The following INPP5A variants were observed in gnomAD, a reference collection of about 807,000 sequenced individuals.
The protein encoded by INPP5A is 43 kDa inositol polyphosphate 5-phophatase.
In INPP5A, 14 loss-of-function variants were observed where a neutral mutation model predicts 65.2. That is an observed-to-expected ratio of 0.21 (90% CI 0.14 to 0.34). The LOEUF (loss-of-function observed/expected upper bound fraction) is 0.34. Ranked by LOEUF, INPP5A falls within the 10% of genes least tolerant of loss-of-function variation. The pLI, the probability that INPP5A is intolerant of heterozygous loss-of-function variation, is 1.00. For synonymous variants in INPP5A, 207 were observed against 208.3 expected (o/e 0.99, Z 0.05); for missense variants, 431 against 545.6 (o/e 0.79, Z 2.09).
intron 9 of INPP5A, among the ~76,000 whole-genome samples, chr10:132,742,416 T>C (rs992272907): frequency 1.3e-5 from 2 of 152,118 alleles, no homozygotes. Flanking sequence ...GCAGAGAGGG[T>C]GCCCACCGCC....
At chr10:132,703,027 G>A (rs1419602745) in intron 6 of INPP5A, among the ~76,000 whole-genome samples, 1 of 152,132 alleles carries the variant, frequency 6.6e-6, no homozygotes, top group Non-Finnish European at 1.5e-5. Context: ...CCCACACACC[G>A]GGGTTGGGAC....
At chr10:132,736,982 C>T (rs1846187976) in intron 9 of INPP5A, among the ~76,000 whole-genome samples, 1 of 152,250 alleles carries the variant, frequency 6.6e-6, no homozygotes, top group Non-Finnish European at 1.5e-5. Flanking sequence ...GCAGGAGAGG[C>T]CAGGTCCCTG....
At position 132,596,990 on chromosome 10, in the gene INPP5A, CGT is replaced by C. The variant is rs1188383675; in HGVS notation, c.76-10920_76-10919del. Among the ~76,000 whole-genome samples the C allele has an allele frequency of 6.6e-5, 9 of 135,454 alleles. No individual in the cohort carries two copies. The South Asian group carries it at 6.8e-4, about 10-fold the overall frequency. 88.9% of individuals were successfully genotyped at this position (135,454 alleles called of 152,430 possible). A position where few individuals can be genotyped will look rare whatever the true frequency, so the allele number is the denominator to read the frequency against. ...GTGTGTGCATGCGTGTGTGCATGCA[CGT>C]GTGTTTGTGTGCACGCTCCTGTACG... On this transcript the variant is annotated intron_variant, in intron 1 of 15. Transcript: ENST00000368594.
rs2072931838 is a variant in INPP5A at position 132,674,138 on chromosome 10, A to G, written c.307-16254A>G. Among the ~76,000 whole-genome samples, 1 of 152,250 alleles carries G rather than the reference A, an allele frequency of 6.6e-6. No homozygotes were observed. The highest frequency in any genetic ancestry group is 1.5e-5 in the Non-Finnish European group (1 of 68,042). On this transcript the variant is annotated intron_variant, in intron 4 of 15. Transcript: ENST00000368594. The surrounding 1 kb of genome is among the most constrained non-coding windows in gnomAD (Gnocchi z 4.4). Reference sequence around the variant, plus strand: ...AGGTCACCCATTGGTGAGCACTCACATGCGATACAAATATCTTCACAAATT... The same window carrying G: ...AGGTCACCCATTGGTGAGCACTCACGTGCGATACAAATATCTTCACAAATT...
chr10:132,765,759 T>G lies in INPP5A; in HGVS notation c.904-14T>G. The G allele has an allele frequency of 6.4e-7, 1 of 1,562,190 alleles. No homozygotes were observed. The highest frequency in any genetic ancestry group is 1.1e-5 in the South Asian group (1 of 90,012). On this transcript the variant is annotated splice_polypyrimidine_tract_variant and intron_variant, in intron 11 of 15. Transcript: ENST00000368594. ...ACCAATGTGACTTTATTTTCTGCTC[T>G]TTCTTTTCTTTAGCTCTTGGAGTTT...
intron 9 of INPP5A, among the ~76,000 whole-genome samples, chr10:132,738,312 C>T (rs773125473): frequency 1.3e-5 from 2 of 152,346 alleles, no homozygotes; most frequent in South Asian, 2.1e-4. Context: ...CTTCACACAT[C>T]GCACCCGGCT....
chr10:132,593,058 G>C (rs1317133727), intron 1 of INPP5A, among the ~76,000 whole-genome samples: 2 of 152,192 alleles, frequency 1.3e-5, no homozygotes, highest in Non-Finnish European at 2.9e-5. Context: ...AGAGCCTATC[G>C]GGGAGAGACT....
chr10:132,574,602 CT>C lies in INPP5A; in HGVS notation c.76-33305del, dbSNP rs199657086. Among the ~76,000 whole-genome samples, 869 of 140,364 alleles carry C rather than the reference CT, an allele frequency of 6.2e-3. 2 individuals are homozygous for C. Among genetic ancestry groups the C allele is most frequent in the East Asian group, 0.034 (161 of 4,736 alleles). 92.1% of individuals were successfully genotyped at this position (140,364 alleles called of 152,430 possible). ...GAGGTCTTAGGGAGGGTGTTTTTCT[CT>C]TTTTTTTCTTTTTTTTTTAATTTTG... On this transcript the variant is annotated intron_variant, in intron 1 of 15. Coordinates refer to ENST00000368594, the MANE Select transcript of INPP5A (RefSeq NM_005539.5).
At chr10:132,738,961 T>A (rs926631570) in intron 9 of INPP5A, among the ~76,000 whole-genome samples, 1 of 152,154 alleles carries the variant, frequency 6.6e-6, no homozygotes, top group Non-Finnish European at 1.5e-5. Context: ...GGGTCCCCCT[T>A]CGGGTCTAGG....
intron 4 of INPP5A, among the ~76,000 whole-genome samples, chr10:132,661,677 T>A (rs983507381): frequency 6.6e-6 from 1 of 152,210 alleles, no homozygotes; most frequent in Non-Finnish European, 1.5e-5. Flanking sequence ...TGGTAGAAAT[T>A]AAGCTGGTTC....
chr10:132,614,713 C>T (rs564440823), intron 2 of INPP5A, among the ~76,000 whole-genome samples: 4 of 152,366 alleles, frequency 2.6e-5, no homozygotes, highest in African/African-American at 4.8e-5. Flanking sequence ...TAACATCCTG[C>T]CCCCAAGGTG....
chr10:132,625,873 TG>T lies in INPP5A; in HGVS notation c.117+17918del, dbSNP rs1409310468. Among the ~76,000 whole-genome samples, 37 of 143,198 alleles carry T rather than the reference TG, an allele frequency of 2.6e-4. 1 individual carries two copies. The highest frequency in any genetic ancestry group is 2.1e-3 in the Admixed American group (31 of 14,686). 93.9% of individuals were successfully genotyped at this position (143,198 alleles called of 152,430 possible). On this transcript the variant is annotated intron_variant, in intron 2 of 15. Coordinates refer to ENST00000368594, the MANE Select transcript of INPP5A (RefSeq NM_005539.5). ...GTGTGTGTGTGTGTGTGTGTGTGTG[TG>T]TGTTTGTGTGTGTGTGTGTACAGTG... is the stretch of plus-strand genomic sequence containing the variant.
Position 132,678,675 on chromosome 10 carries a change from G to A in INPP5A, c.307-11717G>A, listed in dbSNP as rs567106125. On this transcript the variant is annotated intron_variant, in intron 4 of 15. Coordinates refer to ENST00000368594, the MANE Select transcript of INPP5A (RefSeq NM_005539.5). The surrounding 1 kb of genome is among the most constrained non-coding windows in gnomAD (Gnocchi z 4.1). ...GCATTGTGGTGGAGGACTCAGAGGC[G>A]CCCAGGCCACATGCCTGCCCTCAGG... Among the ~76,000 whole-genome samples, 246 of 152,308 alleles carry A rather than the reference G, an allele frequency of 1.6e-3. No homozygotes were observed. The highest frequency in any genetic ancestry group is 2.7e-3 in the Non-Finnish European group (187 of 68,032).
In INPP5A at chr10:132,616,293, A is replaced by C. The variant is rs1285649469; in HGVS notation, c.117+8337A>C. On this transcript the variant is annotated intron_variant, in intron 2 of 15. Coordinates refer to ENST00000368594, the MANE Select transcript of INPP5A (RefSeq NM_005539.5). This position sits in a 1 kb window ranked among gnomAD's most constrained non-coding sequence, Gnocchi z 4.9. Reference sequence around the variant, plus strand: ...GAACAAGCATCCAAGGGAGGACCACAGTGGCAGATGTGCAGTGTGGGGCAT... The same window carrying C: ...GAACAAGCATCCAAGGGAGGACCACCGTGGCAGATGTGCAGTGTGGGGCAT... Among the ~76,000 whole-genome samples the C allele has an allele frequency of 6.6e-6, 1 of 152,200 alleles. No individual in the cohort carries two copies. Among genetic ancestry groups the C allele is most frequent in the Non-Finnish European group, 1.5e-5 (1 of 68,028 alleles).
At chr10:132,590,043 C>T (rs1346446215) in intron 1 of INPP5A, among the ~76,000 whole-genome samples, 1 of 152,256 alleles carries the variant, frequency 6.6e-6, no homozygotes, top group African/African-American at 2.4e-5. Flanking sequence ...ACATTGTCAA[C>T]ACGGCTGGAA....
intron 1 of INPP5A, among the ~76,000 whole-genome samples, chr10:132,601,321 T>G (rs2071774702): frequency 6.6e-6 from 1 of 152,238 alleles, no homozygotes; most frequent in African/African-American, 2.4e-5. Flanking sequence ...ACTGTTTAAG[T>G]CCTCTTCCTA....
At chr10:132,708,419 T>G in intron 7 of INPP5A, 54 bp downstream of exon 7, 1 of 1,547,524 alleles carries the variant, frequency 6.5e-7, no homozygotes, top group Non-Finnish European at 8.9e-7. Flanking sequence ...CCCTTTTATA[T>G]CTTGCACCAG....
intron 1 of INPP5A, among the ~76,000 whole-genome samples, chr10:132,548,878 C>A (rs1208405988): frequency 2.7e-5 from 4 of 150,482 alleles, no homozygotes; most frequent in Non-Finnish European, 5.9e-5. Flanking sequence ...CTCACCGAAG[C>A]CTCAAACTCC....
At chr10:132,747,574 G>A (rs968990278) in intron 9 of INPP5A, among the ~76,000 whole-genome samples, 7 of 152,228 alleles carry the variant, frequency 4.6e-5, no homozygotes, top group African/African-American at 1.7e-4. Flanking sequence ...GCCGGGCACC[G>A]GCCCAGGGGT....
Sources: gnomAD v4.1 joint callset for allele counts (sites outside exome capture counted in the v4.1 genomes callset) on GRCh38, gnomAD v4.1.1 for gene constraint, Gnocchi (gnomAD v3.1) non-coding constraint, MANE v1.5 for transcripts, NCBI Gene and HGNC (gene_info 2026-07-23, HGNC 2026-07-21) for gene names.